PLXDC2: variants seen among roughly 807,000 people sequenced by gnomAD.
The protein encoded by PLXDC2 is plexin domain-containing protein 2.
In PLXDC2, 40 loss-of-function variants were observed where a neutral mutation model predicts 68.9. The observed-to-expected ratio is 0.58, with a 90% CI of 0.45 to 0.76. The LOEUF is 0.76. Among genes scored for constraint, PLXDC2 ranks in the 30% least tolerant of loss-of-function variants. The pLI is 0.00. For synonymous variants in PLXDC2, 243 were observed against 234.2 expected (o/e 1.04, Z -0.34); for missense variants, 644 against 661.9 (o/e 0.97, Z 0.30).
intron 10 of PLXDC2, among the ~76,000 whole-genome samples, chr10:20,213,337 CA>C (rs547254858): frequency 2.4e-4 from 37 of 152,116 alleles, no homozygotes; most frequent in Middle Eastern, 3.4e-3. Context: ...CAATATCTTG[CA>C]AAGTCACCTG....
At chr10:20,082,057 AAAAAATC>A (rs1836571165) in intron 4 of PLXDC2, among the ~76,000 whole-genome samples, 4 of 141,850 alleles carry the variant, frequency 2.8e-5, no homozygotes, top group Admixed American at 7.1e-5. Flanking sequence ...AAAAAAAAAA[AAAAAATC>A]AAAAAAAAAA....
intron 1 of PLXDC2, among the ~76,000 whole-genome samples, chr10:19,852,388 T>G (rs1006456417): frequency 1.4e-4 from 17 of 121,752 alleles, no homozygotes; most frequent in African/African-American, 5.2e-4. Flanking sequence ...ATTGCATCAC[T>G]GCACTCCAGT....
At chr10:20,158,501 C>CAAAAAAAAAAAAAAAAAAAAAA (rs59079629) in intron 6 of PLXDC2, among the ~76,000 whole-genome samples, 14 of 118,742 alleles carry the variant, frequency 1.2e-4, no homozygotes, top group Non-Finnish European at 1.9e-4. Flanking sequence ...TCTGTCTCTG[C>CAAAAAAAAAAAAAAAAAAAAAA]AAAAAAAAAA....
At chr10:20,080,410 C>T (rs932285266) in intron 4 of PLXDC2, among the ~76,000 whole-genome samples, 7 of 152,122 alleles carry the variant, frequency 4.6e-5, no homozygotes, top group Non-Finnish European at 8.8e-5. Context: ...CCCCAAACCT[C>T]AAAAGTAGGG....
chr10:20,134,899 A>G (rs1833915089), intron 4 of PLXDC2, among the ~76,000 whole-genome samples: 2 of 152,148 alleles, frequency 1.3e-5, no homozygotes. Context: ...TGGGGTCTAC[A>G]GCGAAACTTG....
chr10:19,877,966 T>C (rs1252150114), intron 1 of PLXDC2, among the ~76,000 whole-genome samples: 2 of 152,330 alleles, frequency 1.3e-5, no homozygotes, highest in South Asian at 4.1e-4. Flanking sequence ...TCCAGCAGCA[T>C]TGCCACAATA....
chr10:19,898,358 A>G (rs992948276), intron 1 of PLXDC2, among the ~76,000 whole-genome samples: 17 of 152,222 alleles, frequency 1.1e-4, no homozygotes, highest in African/African-American at 3.1e-4. Context: ...TGTTTTGGTT[A>G]TATATAGGTA....
intron 12 of PLXDC2, among the ~76,000 whole-genome samples, chr10:20,244,832 C>A (rs1324064692): frequency 6.6e-6 from 1 of 152,106 alleles, no homozygotes; most frequent in East Asian, 1.9e-4. Context: ...TTTTAAAACA[C>A]AGGCCAGGTG....
intron 1 of PLXDC2, among the ~76,000 whole-genome samples, chr10:19,923,532 T>C (rs947125830): frequency 6.6e-6 from 1 of 152,184 alleles, no homozygotes; most frequent in African/African-American, 2.4e-5. Flanking sequence ...TTTCATTTGA[T>C]ATGGGCAGAA....
intron 12 of PLXDC2, among the ~76,000 whole-genome samples, chr10:20,235,458 C>A (rs938040807): frequency 6.6e-6 from 1 of 152,144 alleles, no homozygotes; most frequent in Non-Finnish European, 1.5e-5. Context: ...TACAACCATT[C>A]CATTGAGGAT....
In PLXDC2 at chr10:19,974,372, T is replaced by A. The variant is rs536251222; in HGVS notation, c.113-27403T>A. On this transcript the variant is annotated intron_variant, in intron 1 of 13. Coordinates refer to ENST00000377252, the MANE Select transcript of PLXDC2 (RefSeq NM_032812.9). ...GTGGTTTCTGTGGCCCAGAGAGGGC[T>A]GTCAGCCAGTCTATGGGCTGAAATG... 2.4e-3 allele frequency among the ~76,000 whole-genome samples: 366 copies of A among 152,346 alleles called. 1 individual carries two copies. Among genetic ancestry groups the A allele is most frequent in the African/African-American group, 8.0e-3 (331 of 41,570 alleles).
In PLXDC2 at chr10:20,284,330, TACACACACACACACACACACACAA is replaced by T. The variant is rs1836121324; in HGVS notation, c.*4513_*4536del. 9.5e-5 allele frequency: 12 copies of T among 126,296 alleles called. No homozygotes were observed. The highest frequency in any genetic ancestry group is 1.2e-4 in the Non-Finnish European group (7 of 59,630). The allele number at this position is 126,296 out of a possible 1,614,324, so 7.8% of individuals were successfully genotyped here. A position where few individuals can be genotyped will look rare whatever the true frequency, so the allele number is the denominator to read the frequency against. ...AAATATACATATATATATATATATA[TACACACACACACACACACACACAA>T]ATATACATATATATCAAATATATAT... On this transcript the variant is annotated 3_prime_UTR_variant, in exon 14 of 14. Transcript: ENST00000377252.
At chr10:20,107,952 T>C (rs1486564157) in intron 4 of PLXDC2, among the ~76,000 whole-genome samples, 1 of 152,218 alleles carries the variant, frequency 6.6e-6, no homozygotes, top group Non-Finnish European at 1.5e-5. Context: ...TTTAGATTAA[T>C]CTTTGTACCA....
intron 1 of PLXDC2, among the ~76,000 whole-genome samples, chr10:19,890,442 A>G (rs116457285): frequency 0.011 from 1,636 of 151,622 alleles, 26 homozygotes; most frequent in African/African-American, 0.036. Flanking sequence ...TATTGTTGCC[A>G]TCTGTATTTC....
At chr10:20,053,303 G>T (rs1274724824) in intron 3 of PLXDC2, among the ~76,000 whole-genome samples, 1 of 152,044 alleles carries the variant, frequency 6.6e-6, no homozygotes, top group Non-Finnish European at 1.5e-5. Flanking sequence ...AAAATAAACA[G>T]ATGCTAAAAC....
intron 2 of PLXDC2, among the ~76,000 whole-genome samples, chr10:20,033,936 G>A (rs1835539920): frequency 1.3e-5 from 2 of 152,156 alleles, no homozygotes; most frequent in East Asian, 1.9e-4. Context: ...CTTTGAAGGT[G>A]AGACAAACTA....
intron 1 of PLXDC2, among the ~76,000 whole-genome samples, chr10:19,845,873 G>A (rs1420406833): frequency 1.3e-5 from 2 of 152,114 alleles, no homozygotes. Context: ...CATAGTAATG[G>A]TAAATTGGCA....
intron 1 of PLXDC2, among the ~76,000 whole-genome samples, chr10:19,989,507 C>T (rs1052201442): frequency 2.2e-4 from 33 of 152,034 alleles, no homozygotes; most frequent in African/African-American, 7.2e-4. Flanking sequence ...TCAAGTTATA[C>T]GCATATGTGG....
chr10:19,861,106 C>T (rs2131334915), intron 1 of PLXDC2, among the ~76,000 whole-genome samples: 1 of 151,494 alleles, frequency 6.6e-6, no homozygotes, highest in Non-Finnish European at 1.5e-5. Context: ...ATGATCTCGG[C>T]TCACTGCAAC....
Sources: allele counts gnomAD v4.1 joint callset (sites outside exome capture counted in the v4.1 genomes callset), GRCh38; gene constraint gnomAD v4.1.1; transcripts MANE v1.5; gene names NCBI Gene and HGNC (gene_info 2026-07-23, HGNC 2026-07-21).